The following ART3 variants were observed in gnomAD, a reference collection of about 807,000 sequenced individuals.
ART3 encodes ADP-ribosyltransferase 3 (inactive), also known as ecto-ADP-ribosyltransferase 3.
ART3 carries 49 observed loss-of-function variants against 48.5 expected under a neutral mutation model. The observed-to-expected ratio is 1.01, with a 90% CI of 0.80 to 1.28. The LOEUF (loss-of-function observed/expected upper bound fraction) is 1.28. Among genes scored for constraint, ART3 ranks in the 50% most tolerant of loss-of-function variants. The probability of loss-of-function intolerance (pLI) is 0.00; values close to 1 mark genes in which losing one functional copy is unlikely to be tolerated. For synonymous variants in ART3, 145 were observed against 157.2 expected (o/e 0.92, Z 0.58); for missense variants, 438 against 454.3 (o/e 0.96, Z 0.33).
intron 1 of ART3, among the ~76,000 whole-genome samples, chr4:76,064,770 A>G (rs1232704381): frequency 2.0e-5 from 3 of 152,184 alleles, no homozygotes; most frequent in Non-Finnish European, 2.9e-5. Context: ...GCTTTAAAAT[A>G]TACTAACAAT....
chr4:76,033,048 A>C (rs1204886901), intron 1 of ART3, among the ~76,000 whole-genome samples: 1 of 152,100 alleles, frequency 6.6e-6, no homozygotes, highest in Non-Finnish European at 1.5e-5. Context: ...TATAATAAAT[A>C]TTTTTATTTT....
intron 1 of ART3, chr4:76,022,339 T>G (rs1560577384): frequency 6.3e-7 from 1 of 1,588,694 alleles, no homozygotes; most frequent in Non-Finnish European, 8.6e-7. Context: ...TAAAGAGCAA[T>G]TCTTCTGCAG....
chr4:76,082,577 G>T, intron 3 of ART3, 42 bp downstream of exon 3: 3 of 1,487,750 alleles, frequency 2.0e-6, no homozygotes, highest in Non-Finnish European at 1.8e-6. Flanking sequence ...GAGGGAAGGA[G>T]TGGGATTCTT....
intron 3 of ART3, among the ~76,000 whole-genome samples, chr4:76,089,385 T>C (rs867819519): frequency 3.3e-5 from 5 of 150,530 alleles, no homozygotes; most frequent in African/African-American, 1.3e-4. Context: ...TTCTAATTAT[T>C]TAGCACCGTC....
rs533470360 is a variant in ART3, at chr4:76,061,917, A to T, written c.-9-13964A>T. Among the ~76,000 whole-genome samples, 5 of 152,332 alleles carry T rather than the reference A, an allele frequency of 3.3e-5. No homozygotes were observed. In the East Asian group the frequency reaches 9.6e-4, roughly 29 times the overall value. On this transcript the variant is annotated intron_variant, in intron 1 of 9. Coordinates refer to the ART3 transcript ENST00000341029. ...TAAGAATTGTGAACCACTGAAGTGG[A>T]TTTTTACACGAATTTCTAGAGTCCC...
chr4:76,093,105 C>T (rs1038780926), intron 3 of ART3, among the ~76,000 whole-genome samples: 1 of 152,002 alleles, frequency 6.6e-6, no homozygotes, highest in African/African-American at 2.4e-5. Context: ...TTGTGGCCTC[C>T]TTCATCCATC....
At chr4:76,040,683 G>T (rs778308759) in intron 1 of ART3, among the ~76,000 whole-genome samples, 36 of 152,124 alleles carry the variant, frequency 2.4e-4, no homozygotes, top group Admixed American at 3.9e-4. Context: ...TAGAGGAGGG[G>T]GCTATCCCTC....
intron 3 of ART3, among the ~76,000 whole-genome samples, chr4:76,091,226 T>G (rs1724814502): frequency 6.6e-6 from 1 of 152,234 alleles, no homozygotes; most frequent in African/African-American, 2.4e-5. Flanking sequence ...AGTCTTTGTA[T>G]GGACATATGC....
rs1727887785 is a variant in ART3, at chr4:76,103,927, C to T, written c.938-10C>T. On this transcript the variant is annotated splice_polypyrimidine_tract_variant and intron_variant, in intron 8 of 11. Transcript: ENST00000355810. The stretch of plus-strand genomic sequence containing the variant: ...GATTAATACAAACCAATATTTATTT[C>T]TGCCTTTAGGTGTGAAAATCCTTGA... 3.1e-6 allele frequency: 5 copies of T among 1,594,814 alleles called. No homozygotes were observed. The highest frequency in any genetic ancestry group is 3.4e-6 in the Non-Finnish European group (4 of 1,169,134).
At chr4:76,072,312 T>C (rs1264783607), upstream of ART3, among the ~76,000 whole-genome samples, 1 of 152,232 alleles carries the variant, frequency 6.6e-6, no homozygotes, top group East Asian at 1.9e-4. Flanking sequence ...TTCCTTATCG[T>C]ATCAGGAAAT....
chr4:76,068,436 C>A (rs1027820828), intron 1 of ART3, among the ~76,000 whole-genome samples: 1 of 152,116 alleles, frequency 6.6e-6, no homozygotes. Context: ...CCATGTAATA[C>A]TATGCAGCCA....
chr4:76,048,310 C>T (rs1735707961), intron 1 of ART3, among the ~76,000 whole-genome samples: 1 of 151,856 alleles, frequency 6.6e-6, no homozygotes, highest in African/African-American at 2.4e-5. Context: ...ATAATTTGTA[C>T]TTCCCTCAGG....
chr4:76,034,555 G>A, intron 1 of ART3: 1 of 518,842 alleles, frequency 1.9e-6, no homozygotes. Flanking sequence ...TTTAATTGTT[G>A]GACTCCTTTG....
At chr4:76,085,673 G>A (rs1723391944) in intron 3 of ART3, among the ~76,000 whole-genome samples, 1 of 152,198 alleles carries the variant, frequency 6.6e-6, no homozygotes, top group Non-Finnish European at 1.5e-5. Context: ...TGCTGGCTAG[G>A]GTTTGGAGAA....
chr4:76,111,658 T>C (rs1381080955), intron 11 of ART3, among the ~76,000 whole-genome samples: 2 of 152,140 alleles, frequency 1.3e-5, no homozygotes, highest in Non-Finnish European at 1.5e-5. Flanking sequence ...TTCTCCTGCC[T>C]CAGCCTCCTG....
intron 1 of ART3, among the ~76,000 whole-genome samples, chr4:76,013,653 T>C (rs1732006810): frequency 6.6e-6 from 1 of 152,240 alleles, no homozygotes; most frequent in African/African-American, 2.4e-5. Context: ...GATTTTACTC[T>C]CTTGGGGTAT....
chr4:76,108,728 T>C (rs1728933675), intron 11 of ART3, among the ~76,000 whole-genome samples: 1 of 152,146 alleles, frequency 6.6e-6, no homozygotes, highest in Non-Finnish European at 1.5e-5. Flanking sequence ...AACATCATAG[T>C]GTGTACTTAC....
chr4:76,014,810 A>G (rs1322411295), intron 1 of ART3, among the ~76,000 whole-genome samples: 2 of 152,222 alleles, frequency 1.3e-5, no homozygotes, highest in Non-Finnish European at 2.9e-5. Context: ...AAGTGAAGTG[A>G]TTCATCATAT....
At chr4:76,051,571 G>C (rs1462855796) in intron 1 of ART3, among the ~76,000 whole-genome samples, 1 of 152,160 alleles carries the variant, frequency 6.6e-6, no homozygotes, top group East Asian at 1.9e-4. Context: ...TTTTAGACCT[G>C]CTCTATCGCC....
Sources: allele counts gnomAD v4.1 joint callset (sites outside exome capture counted in the v4.1 genomes callset), GRCh38; gene constraint gnomAD v4.1.1; transcripts MANE v1.5; gene names NCBI Gene and HGNC (gene_info 2026-07-23, HGNC 2026-07-21).